Variants in SNX29 observed in about 807,000 individuals in gnomAD.
SNX29 encodes sorting nexin-29.
In SNX29, 78 loss-of-function variants were observed where a neutral mutation model predicts 102.1. That is an observed-to-expected ratio of 0.76 (90% confidence interval 0.64 to 0.92). SNX29 has a LOEUF of 0.92. Among genes scored for constraint, SNX29 ranks in the 40% least tolerant of loss-of-function variants. SNX29 has a pLI of 0.00. For missense variants in SNX29, 1,280 were observed against 1,061.7 expected (o/e 1.21, Z -2.86); for synonymous variants, 580 against 414.5 (o/e 1.40, Z -4.85).
At position 12,572,995 on chromosome 16, in the gene SNX29, A is replaced by T; in HGVS notation, c.*4366A>T. The T allele has an allele frequency of 5.7e-6, 2 of 351,112 alleles. No individual in the cohort carries two copies. Among genetic ancestry groups the T allele is most frequent in the Non-Finnish European group, 8.8e-6 (2 of 226,854 alleles). The allele number at this position is 351,112 out of a possible 1,614,324, so 21.7% of individuals were successfully genotyped here. On this transcript the variant is annotated 3_prime_UTR_variant, in exon 21 of 21. Coordinates refer to ENST00000566228, the MANE Select transcript of SNX29 (RefSeq NM_032167.5). ...AAAATATTGTGCATTAATTCATTAA[A>T]GCTACTGTTAAATATTTGCTGTTTT...
In SNX29 at chr16:12,157,278, T is replaced by G. The variant is rs148597430; in HGVS notation, c.1595+27520T>G. On this transcript the variant is annotated intron_variant, in intron 13 of 20. Coordinates refer to ENST00000566228, the MANE Select transcript of SNX29 (RefSeq NM_032167.5). The stretch of plus-strand genomic sequence containing the variant: ...ACACTATCCAGCAGGGCTGGTCCCC[T>G]TCTCTGGCTCTGGAGAAGGTCCTGA... Among the ~76,000 whole-genome samples the G allele has an allele frequency of 2.8e-3, 423 of 152,246 alleles. 1 individual carries two copies. Among genetic ancestry groups the G allele is most frequent in the African/African-American group, 9.8e-3 (408 of 41,564 alleles).
chr16:12,530,554 G>GT (rs1159461950), intron 20 of SNX29, among the ~76,000 whole-genome samples: 6 of 144,862 alleles, frequency 4.1e-5, no homozygotes, highest in Non-Finnish European at 7.6e-5. Flanking sequence ...TTTTTTTTTT[G>GT]TTTTTTGTTT....
chr16:12,225,857 T>G (rs368494819), intron 14 of SNX29, among the ~76,000 whole-genome samples: 1 of 152,148 alleles, frequency 6.6e-6, no homozygotes, highest in African/African-American at 2.4e-5. Flanking sequence ...GCACCCTCAA[T>G]GTAGTTAACT....
At chr16:12,168,733 C>G (rs1262021916) in intron 13 of SNX29, among the ~76,000 whole-genome samples, 2 of 152,212 alleles carry the variant, frequency 1.3e-5, no homozygotes, top group African/African-American at 4.8e-5. Context: ...ATCTTCTTAA[C>G]AATAACGTAT....
rs542317951 is a variant in SNX29 at position 12,453,003 on chromosome 16, G to A, written c.2038-24716G>A. Among the ~76,000 whole-genome samples the A allele has an allele frequency of 3.2e-4, 49 of 152,116 alleles. 1 individual carries two copies. The highest frequency in any genetic ancestry group is 6.6e-4 in the Non-Finnish European group (45 of 68,018). On this transcript the variant is annotated intron_variant, in intron 18 of 20. Transcript: ENST00000566228. ...CTAGGCACCCACTTTCTCAAGGCAC[G>A]GGGCCCTAGATGCAAAAAGGATCCC...
At chr16:12,022,421 G>C (rs2057055872) in intron 3 of SNX29, among the ~76,000 whole-genome samples, 1 of 152,072 alleles carries the variant, frequency 6.6e-6, no homozygotes, top group African/African-American at 2.4e-5. Flanking sequence ...GGTTGGTCTT[G>C]AACTCCTGAC....
intron 13 of SNX29, among the ~76,000 whole-genome samples, chr16:12,134,759 C>G (rs769871223): frequency 6.6e-6 from 1 of 152,174 alleles, no homozygotes; most frequent in Non-Finnish European, 1.5e-5. Context: ...TGAAGGCTGC[C>G]TGCTACACTC....
chr16:12,453,006 G>A (rs1051411669), intron 18 of SNX29, among the ~76,000 whole-genome samples: 3 of 152,090 alleles, frequency 2.0e-5, no homozygotes, highest in African/African-American at 7.2e-5. Flanking sequence ...AAGGCACGGG[G>A]CCCTAGATGC....
intron 11 of SNX29, among the ~76,000 whole-genome samples, chr16:12,111,713 AG>A (rs1193832212): frequency 1.2e-4 from 19 of 152,176 alleles, no homozygotes; most frequent in Non-Finnish European, 4.4e-5. Flanking sequence ...TGTGGGTAGC[AG>A]GTGGCAGGAG....
chr16:12,125,607 T>C (rs55686382), intron 11 of SNX29, among the ~76,000 whole-genome samples: 11,280 of 32,952 alleles, frequency 0.34, 146 homozygotes, highest in East Asian at 0.47. Context: ...AGATCTCTCT[T>C]TTTTTTTTTT....
At chr16:12,242,471 A>G (rs529457910) in intron 14 of SNX29, among the ~76,000 whole-genome samples, 95 of 150,710 alleles carry the variant, frequency 6.3e-4, no homozygotes, top group African/African-American at 2.2e-3. Context: ...GAAAGTGGCC[A>G]TCTCTGTCTG....
At chr16:11,977,483 A>G (rs1415632494) in intron 1 of SNX29, 1 of 152,602 alleles carries the variant, frequency 6.6e-6, no homozygotes, top group Non-Finnish European at 1.5e-5. Flanking sequence ...TGATCCTTGC[A>G]TATTCCATCC....
intron 14 of SNX29, among the ~76,000 whole-genome samples, chr16:12,235,918 C>G (rs2077917514): frequency 6.6e-6 from 1 of 152,016 alleles, no homozygotes; most frequent in African/African-American, 2.4e-5. Context: ...GGTAAAGATT[C>G]AGAAATGAAT....
chr16:12,023,970 C>G (rs1172781391), intron 3 of SNX29, among the ~76,000 whole-genome samples: 3 of 152,194 alleles, frequency 2.0e-5, no homozygotes, highest in African/African-American at 7.2e-5. Flanking sequence ...TTCTCTGTAG[C>G]AACCAGGCAT....
intron 20 of SNX29, among the ~76,000 whole-genome samples, chr16:12,550,790 A>T (rs1032843416): frequency 2.1e-5 from 2 of 93,440 alleles, no homozygotes; most frequent in African/African-American, 9.3e-5. Flanking sequence ...AGCTGAGATA[A>T]GGAAGAGGGA....
intron 15 of SNX29, among the ~76,000 whole-genome samples, chr16:12,319,067 T>C (rs1248068335): frequency 6.6e-6 from 1 of 152,178 alleles, no homozygotes; most frequent in Non-Finnish European, 1.5e-5. Context: ...AAAACTTGTT[T>C]AATCCTTCGT....
chr16:12,520,902 A>G (rs535438729), intron 19 of SNX29, among the ~76,000 whole-genome samples: 95 of 152,292 alleles, frequency 6.2e-4, no homozygotes, highest in African/African-American at 2.2e-3. Context: ...ATTCACCACT[A>G]AAGAACTCGT....
At chr16:12,229,063 C>G (rs528461365) in intron 14 of SNX29, among the ~76,000 whole-genome samples, 2 of 152,376 alleles carry the variant, frequency 1.3e-5, no homozygotes, top group South Asian at 4.1e-4. Flanking sequence ...GCCACCTCCT[C>G]AGAGAGCCAT....
chr16:12,363,195 T>C (rs1231432949), intron 16 of SNX29, among the ~76,000 whole-genome samples: 1 of 152,228 alleles, frequency 6.6e-6, no homozygotes, highest in Admixed American at 6.5e-5. Context: ...TACCCCATTA[T>C]TGCCTCAGGC....
Sources: gnomAD v4.1 joint callset for allele counts (sites outside exome capture counted in the v4.1 genomes callset) on GRCh38, gnomAD v4.1.1 for gene constraint, MANE v1.5 for transcripts, NCBI Gene and HGNC (gene_info 2026-07-23, HGNC 2026-07-21) for gene names.